The following RALGPS1 variants were observed in gnomAD, a reference collection of about 807,000 sequenced individuals.
The protein encoded by RALGPS1 is ras-specific guanine nucleotide-releasing factor RalGPS1.
Under a neutral mutation model 78.8 loss-of-function variants are expected in RALGPS1, and 19 were observed. The ratio of observed to expected loss-of-function variants is 0.24; its 90% confidence interval spans 0.17 to 0.35. The LOEUF (loss-of-function observed/expected upper bound fraction) is 0.35, where lower values mean the gene tolerates loss of function less well. Among genes scored for constraint, RALGPS1 ranks in the 10% least tolerant of loss-of-function variants. The pLI, the probability that RALGPS1 is intolerant of heterozygous loss-of-function variation, is 1.00. For missense variants in RALGPS1, 454 were observed against 688.3 expected, an observed-to-expected ratio of 0.66 and a Z score of 3.81; for synonymous variants, 228 against 256.3, an observed-to-expected ratio of 0.89 and a Z score of 1.06.
chr9:127,128,744 T>C (rs2056806190), intron 8 of RALGPS1, among the ~76,000 whole-genome samples: 1 of 152,228 alleles, frequency 6.6e-6, no homozygotes, highest in Non-Finnish European at 1.5e-5. Context: ...GGGAACCACA[T>C]GTTCCCTGGC....
At chr9:127,034,378 G>A (rs983046978) in intron 4 of RALGPS1, 53 bp from the exon 5 acceptor site, 8 of 1,499,748 alleles carry the variant, frequency 5.3e-6, no homozygotes, top group African/African-American at 2.8e-5. Context: ...TGCCCCTGGT[G>A]TATTTTGCAT....
At chr9:126,990,583 C>T (rs2042194730) in intron 4 of RALGPS1, among the ~76,000 whole-genome samples, 1 of 152,224 alleles carries the variant, frequency 6.6e-6, no homozygotes, top group Admixed American at 6.5e-5. Flanking sequence ...GTCTCAGCAC[C>T]TCCGCACAGG....
At chr9:127,141,650 A>G (rs1469913907) in intron 8 of RALGPS1, among the ~76,000 whole-genome samples, 1 of 151,558 alleles carries the variant, frequency 6.6e-6, no homozygotes, top group Non-Finnish European at 1.5e-5. Flanking sequence ...AGAAAGAAAG[A>G]AACTGTCCTT....
chr9:127,074,106 T>C (rs1268257255), intron 8 of RALGPS1, among the ~76,000 whole-genome samples: 2 of 152,198 alleles, frequency 1.3e-5, no homozygotes. Context: ...GGTCTCGAAC[T>C]CCTGACCTCA....
At chr9:127,108,351 G>A in intron 8 of RALGPS1, 2 of 1,612,158 alleles carry the variant, frequency 1.2e-6, no homozygotes, top group South Asian at 2.2e-5. Flanking sequence ...TCATGTTGCG[G>A]CTCTCCTTGC....
intron 8 of RALGPS1, chr9:127,087,335 A>G (rs1490216903): frequency 6.6e-6 from 1 of 152,592 alleles, no homozygotes; most frequent in Non-Finnish European, 1.5e-5. Context: ...CACAGAGTGT[A>G]GATACATCCA....
intron 11 of RALGPS1, among the ~76,000 whole-genome samples, chr9:127,181,136 G>A (rs1253640976): frequency 6.6e-6 from 1 of 152,258 alleles, no homozygotes; most frequent in African/African-American, 2.4e-5. Context: ...GCAGGTCCAA[G>A]GAGAGGGACG....
At chr9:127,039,465 A>G (rs750197328) in intron 5 of RALGPS1, among the ~76,000 whole-genome samples, 3 of 152,194 alleles carry the variant, frequency 2.0e-5, no homozygotes, top group Non-Finnish European at 2.9e-5. Flanking sequence ...ACTGGCTCCA[A>G]GGGGAGCTGA....
intron 8 of RALGPS1, among the ~76,000 whole-genome samples, chr9:127,158,895 G>A (rs183219867): frequency 1.3e-5 from 2 of 151,470 alleles, no homozygotes; most frequent in East Asian, 3.9e-4. Context: ...TTAAAAATTT[G>A]TTTTTACCCA....
chr9:127,182,408 CCCTTCCTT>C (rs1272921808), intron 11 of RALGPS1, among the ~76,000 whole-genome samples: 2 of 122,674 alleles, frequency 1.6e-5, no homozygotes, highest in Admixed American at 9.3e-5. Flanking sequence ...CTTCCTTCCT[CCCTTCCTT>C]CCTCCCTTCC....
rs1355619753 is a variant in RALGPS1, at chr9:127,219,897, C to G, written c.*1128C>G. ...TCTTGGCCCCAAATGCAGTCACCAGCAAGTTTTCCATTTTCCAAGTCCAAG... is the reference window on the plus strand; with the variant it reads ...TCTTGGCCCCAAATGCAGTCACCAGGAAGTTTTCCATTTTCCAAGTCCAAG... On this transcript the variant is annotated 3_prime_UTR_variant, in exon 19 of 19. Transcript: ENST00000259351. This position sits in a 1 kb window ranked among gnomAD's most constrained non-coding sequence, Gnocchi z 5.0. 6.6e-6 allele frequency: 1 copy of G among 152,634 alleles called. No homozygotes were observed. The highest frequency in any genetic ancestry group is 1.5e-5 in the Non-Finnish European group (1 of 68,050). The allele number at this position is 152,634 out of a possible 1,614,324, so 9.5% of individuals were successfully genotyped here. A position where few individuals can be genotyped will look rare whatever the true frequency, so the allele number is the denominator to read the frequency against.
At chr9:126,936,379 G>T (rs2036261100) in intron 1 of RALGPS1, among the ~76,000 whole-genome samples, 1 of 152,176 alleles carries the variant, frequency 6.6e-6, no homozygotes, top group African/African-American at 2.4e-5. Context: ...TAAAGTATAT[G>T]AGAGACTTTC....
chr9:126,996,247 GT>G (rs1166607596), intron 4 of RALGPS1, among the ~76,000 whole-genome samples: 2 of 151,932 alleles, frequency 1.3e-5, no homozygotes, highest in African/African-American at 2.4e-5. Flanking sequence ...CCAGGAGCTG[GT>G]TTTTTTGAAA....
intron 8 of RALGPS1, among the ~76,000 whole-genome samples, chr9:127,107,700 A>G (rs1221532366): frequency 6.6e-6 from 1 of 152,050 alleles, no homozygotes; most frequent in African/African-American, 2.4e-5. Flanking sequence ...ATTTTTTGGT[A>G]ATATCTTTGA....
At chr9:127,102,566 T>C (rs2053843981) in intron 8 of RALGPS1, among the ~76,000 whole-genome samples, 1 of 152,226 alleles carries the variant, frequency 6.6e-6, no homozygotes, top group Non-Finnish European at 1.5e-5. Flanking sequence ...TTATCTCCTA[T>C]GACTGTAAAT....
At chr9:126,954,817 G>C (rs1271814604) in intron 1 of RALGPS1, among the ~76,000 whole-genome samples, 1 of 152,146 alleles carries the variant, frequency 6.6e-6, no homozygotes, top group African/African-American at 2.4e-5. Flanking sequence ...TCAAAAGGAA[G>C]AACCTCTCTA....
chr9:127,088,894 TGGGCTCCTGGCAATGGCCAC>T (rs2052094992), intron 8 of RALGPS1: 1 of 1,608,904 alleles, frequency 6.2e-7, no homozygotes, highest in South Asian at 1.1e-5. Flanking sequence ...GTGACCAGGG[TGGGCTCCTGGCAATGGCCAC>T]GAGAGGTCAG....
At position 127,032,950 on chromosome 9, in the gene RALGPS1, A is replaced by G. The variant is rs562085600; in HGVS notation, c.217-1481A>G. Among the ~76,000 whole-genome samples, 10 of 152,354 alleles carry G rather than the reference A, an allele frequency of 6.6e-5. 1 individual carries two copies. The South Asian group carries it at 2.1e-3, about 32-fold the overall frequency. ...CTCATCTCTGCTTTTGAAAAGAAGT[A>G]GAGTCACAATATTCATCCAAGAGAA... On this transcript the variant is annotated intron_variant, in intron 4 of 18. Transcript: ENST00000259351.
chr9:126,937,136 C>T (rs923214143), intron 1 of RALGPS1, among the ~76,000 whole-genome samples: 4 of 152,178 alleles, frequency 2.6e-5, no homozygotes, highest in African/African-American at 9.7e-5. Context: ...AGGCATGAGC[C>T]ACGGCTGGAA....
Sources: gnomAD v4.1 joint callset for allele counts (sites outside exome capture counted in the v4.1 genomes callset) on GRCh38, gnomAD v4.1.1 for gene constraint, Gnocchi (gnomAD v3.1) non-coding constraint, MANE v1.5 for transcripts, NCBI Gene and HGNC (gene_info 2026-07-23, HGNC 2026-07-21) for gene names.